The following FOXK1 variants were observed in gnomAD, a reference collection of about 807,000 sequenced individuals.
FOXK1 encodes forkhead box K1, also known as forkhead box protein K1.
Under a neutral mutation model 51.9 loss-of-function variants are expected in FOXK1, and 19 were observed. That is an observed-to-expected ratio of 0.37 (90% CI 0.26 to 0.54). The LOEUF (loss-of-function observed/expected upper bound fraction) is 0.54, where lower values mean the gene tolerates loss of function less well. Ranked by LOEUF, FOXK1 falls within the 20% of genes least tolerant of loss-of-function variation. The probability of loss-of-function intolerance (pLI) is 0.87; values close to 1 mark genes in which losing one functional copy is unlikely to be tolerated. For synonymous variants in FOXK1, 537 were observed against 482.6 expected, an observed-to-expected ratio of 1.11 and a Z score of -1.48; for missense variants, 870 against 1,032.7, an observed-to-expected ratio of 0.84 and a Z score of 2.16.
intron 1 of FOXK1, among the ~76,000 whole-genome samples, chr7:4,696,628 T>A (rs745458413): frequency 6.6e-6 from 1 of 152,194 alleles, no homozygotes; most frequent in Non-Finnish European, 1.5e-5. Flanking sequence ...TCGGGAGGCA[T>A]TTTGTTCTCA....
At chr7:4,724,561 A>T (rs79410014) in intron 1 of FOXK1, among the ~76,000 whole-genome samples, 1 of 151,972 alleles carries the variant, frequency 6.6e-6, no homozygotes, top group Admixed American at 6.5e-5. Context: ...AAGCATTTCT[A>T]TTTTGTCCAA....
At chr7:4,742,074 G>A (rs115416710) in intron 2 of FOXK1, among the ~76,000 whole-genome samples, 25 of 152,382 alleles carry the variant, frequency 1.6e-4, no homozygotes, top group African/African-American at 3.8e-4. Flanking sequence ...GCGTGGCTGC[G>A]CGTGGTTTGG....
rs574679204 is a variant in FOXK1 at position 4,713,779 on chromosome 7, C to T, written c.561-27059C>T. Among the ~76,000 whole-genome samples the T allele has an allele frequency of 1.6e-4, 24 of 151,884 alleles. 2 individuals are homozygous for T. The highest frequency in any genetic ancestry group is 5.8e-4 in the African/African-American group (24 of 41,410). ...TGTTGGGATTACAGGCGTGAGCCAC[C>T]GCACCCAGCCCCGTGTTTTCTTTTG... On this transcript the variant is annotated intron_variant, in intron 1 of 8. Transcript: ENST00000328914.
chr7:4,760,116 T>A (rs1231848767), intron 7 of FOXK1: 2 of 155,130 alleles, frequency 1.3e-5, no homozygotes, highest in African/African-American at 4.8e-5. Flanking sequence ...GTCCTTGCCC[T>A]AAGGTAACGT....
intron 1 of FOXK1, among the ~76,000 whole-genome samples, chr7:4,719,238 G>A (rs776360729): frequency 1.3e-5 from 2 of 152,128 alleles, no homozygotes; most frequent in Non-Finnish European, 2.9e-5. Context: ...GGGCTCAAGT[G>A]TTCCTCCTGA....
rs1309788694 is a variant in FOXK1 at position 4,734,975 on chromosome 7, C to T, written c.561-5863C>T. Among the ~76,000 whole-genome samples, 3 of 152,148 alleles carry T rather than the reference C, an allele frequency of 2.0e-5. No homozygotes were observed. The highest frequency in any genetic ancestry group is 2.9e-5 in the Non-Finnish European group (2 of 68,048). ...TCCCTCTCTGATTATTTCTCTGAGT[C>T]TGAAATGATGACAATTGTATTTATA... On this transcript the variant is annotated intron_variant, in intron 1 of 8. Transcript: ENST00000328914. The surrounding 1 kb of genome is among the most constrained non-coding windows in gnomAD (Gnocchi z 5.2).
At chr7:4,695,441 G>T (rs546953638) in intron 1 of FOXK1, among the ~76,000 whole-genome samples, 2 of 152,206 alleles carry the variant, frequency 1.3e-5, no homozygotes, top group African/African-American at 4.8e-5. Flanking sequence ...TCCTGTGGTG[G>T]TAGAAATGTT....
intron 1 of FOXK1, among the ~76,000 whole-genome samples, chr7:4,699,278 A>AGGGTTAGTTTTT (rs998888113): frequency 2.8e-5 from 4 of 144,508 alleles, no homozygotes; most frequent in African/African-American, 1.0e-4. Context: ...CCTTATCCAC[A>AGGGTTAGTTTTT]GGGTTAGTTT....
chr7:4,692,434 G>A (rs756148745), intron 1 of FOXK1, among the ~76,000 whole-genome samples: 1 of 152,164 alleles, frequency 6.6e-6, no homozygotes, highest in Non-Finnish European at 1.5e-5. Context: ...TTGCTCTGTT[G>A]CCCAGGCTGG....
chr7:4,752,708 AC>A (rs1324352798), intron 2 of FOXK1, among the ~76,000 whole-genome samples: 1 of 152,182 alleles, frequency 6.6e-6, no homozygotes, highest in Admixed American at 6.5e-5. Context: ...GCAAGGACTG[AC>A]ATTTCAGTTC....
rs775135870 is a variant in FOXK1 at position 4,759,291 on chromosome 7, G to A, written c.1412-20G>A. The A allele has an allele frequency of 6.2e-6, 10 of 1,601,814 alleles. No individual in the cohort carries two copies. The highest frequency in any genetic ancestry group is 3.4e-6 in the Non-Finnish European group (4 of 1,178,110). ...GGGGGTGCGGGAGGGGTCACCGTCC[G>A]CTCTCCGCCCTCCGTGCAGGCTCCC... On this transcript the variant is annotated intron_variant, in intron 6 of 8. Coordinates refer to ENST00000328914, the MANE Select transcript of FOXK1 (RefSeq NM_001037165.2).
intron 2 of FOXK1, among the ~76,000 whole-genome samples, chr7:4,746,492 C>T (rs182060911): frequency 6.6e-6 from 1 of 151,868 alleles, no homozygotes; most frequent in Admixed American, 6.6e-5. Context: ...CAAGCCTGGG[C>T]AGCATAGTGA....
chr7:4,740,898 A>C lies in FOXK1; in HGVS notation c.621A>C (p.Lys207Asn). 1 of 1,593,238 alleles carries C rather than the reference A, an allele frequency of 6.3e-7. No homozygotes were observed. Among genetic ancestry groups the C allele is most frequent in the Non-Finnish European group, 8.5e-7 (1 of 1,171,198 alleles). ...TCCAGTTCACGTCGCTCTATCACAA[A>C]GAAGAGGCCCCAGCCTCCCCGCTGC... ...IKIQFTSLYH[K>N]EEAPASPLRP... The change falls in exon 2 of 9, where the codon AAA becomes AAC. Residue 207 changes from lysine (K) to asparagine (N), a missense_variant. Lys to Asn is a moderately conservative substitution (Grantham distance 94, BLOSUM62 0). This residue lies in a region of FOXK1 where 399 missense variants were observed against 475.6 expected (regional missense o/e 0.84). Transcript: ENST00000328914.
rs1781090839 is a variant in FOXK1 at position 4,770,901 on chromosome 7, G to GTGT, written c.*8438_*8439insGTT. 1 of 124,160 alleles carries GTGT rather than the reference G, an allele frequency of 8.1e-6. No individual in the cohort carries two copies. Among genetic ancestry groups the GTGT allele is most frequent in the South Asian group, 2.6e-4 (1 of 3,836 alleles). The allele number at this position is 124,160 out of a possible 1,614,324, so 7.7% of individuals were successfully genotyped here. A position where few individuals can be genotyped will look rare whatever the true frequency, so the allele number is the denominator to read the frequency against. On this transcript the variant is annotated 3_prime_UTR_variant, in exon 9 of 9. Coordinates refer to ENST00000328914, the MANE Select transcript of FOXK1 (RefSeq NM_001037165.2). Reference sequence around the variant, plus strand: ...TGTGTGTGTGTGTGTGTGTGTGTGTGTATTTTTTTTTTTACAGTGGCGCCT... The same window carrying GTGT: ...TGTGTGTGTGTGTGTGTGTGTGTGTGTGTTATTTTTTTTTTTACAGTGGCGCCT...
chr7:4,739,209 G>A (rs141243981), intron 1 of FOXK1, among the ~76,000 whole-genome samples: 192 of 152,304 alleles, frequency 1.3e-3, no homozygotes, highest in African/African-American at 4.3e-3. Flanking sequence ...AGACCTTAGC[G>A]TCTCTCAAGT....
At chr7:4,720,173 T>A (rs1245771392) in intron 1 of FOXK1, among the ~76,000 whole-genome samples, 3 of 152,228 alleles carry the variant, frequency 2.0e-5, no homozygotes, top group Non-Finnish European at 4.4e-5. Flanking sequence ...GAAGCCTGGT[T>A]GAGTTTCTTC....
rs947843391 is a variant in FOXK1, at chr7:4,709,744, G to T, written c.560+26876G>T. On this transcript the variant is annotated intron_variant, in intron 1 of 8. Transcript: ENST00000328914. The surrounding 1 kb of genome is among the most constrained non-coding windows in gnomAD (Gnocchi z 5.6). ...CCCTGGAGCAGTGAAGTTCCACAGT[G>T]TCATGATAATTCTTGGCGTTGAGTG... 6.6e-6 allele frequency among the ~76,000 whole-genome samples: 1 copy of T among 152,210 alleles called. No homozygotes were observed. The highest frequency in any genetic ancestry group is 6.5e-5 in the Admixed American group (1 of 15,284).
At chr7:4,736,974 G>A (rs564759366) in intron 1 of FOXK1, among the ~76,000 whole-genome samples, 2 of 152,316 alleles carry the variant, frequency 1.3e-5, no homozygotes, top group East Asian at 1.9e-4. Context: ...GAGTGATTTA[G>A]CCCAAGGTCA....
intron 1 of FOXK1, among the ~76,000 whole-genome samples, chr7:4,705,974 G>GTATATATATGTATA (rs1302257219): frequency 4.4e-5 from 3 of 67,700 alleles, no homozygotes; most frequent in Non-Finnish European, 8.3e-5. Context: ...ATATATATAC[G>GTATATATATGTATA]TATATATACG....
Sources: allele counts gnomAD v4.1 joint callset (sites outside exome capture counted in the v4.1 genomes callset), GRCh38; gene constraint gnomAD v4.1.1; regional missense constraint gnomAD v4.1.1; non-coding constraint Gnocchi (gnomAD v3.1); transcripts MANE v1.5; gene names NCBI Gene and HGNC (gene_info 2026-07-23, HGNC 2026-07-21).